The following OFD1 variants were observed in gnomAD, a reference collection of about 807,000 sequenced individuals.
OFD1 encodes the protein centriole and centriolar satellite protein OFD1.
Under a neutral mutation model 81.4 loss-of-function variants are expected in OFD1, and 12 were observed. The ratio of observed to expected loss-of-function variants is 0.15; its 90% CI spans 0.09 to 0.24. The LOEUF (loss-of-function observed/expected upper bound fraction) is 0.24. Among genes scored for constraint, OFD1 ranks in the 10% least tolerant of loss-of-function variants. OFD1 has a pLI of 1.00. For synonymous variants in OFD1, 256 were observed against 263.7 expected, an observed-to-expected ratio of 0.97 and a Z score of 0.28; for missense variants, 685 against 733.9, an observed-to-expected ratio of 0.93 and a Z score of 0.77.
At chrX:13,721,650 AT>A in the OFD1 span, 1 of 111,834 alleles carries the variant, frequency 8.9e-6, no homozygotes, top group African/African-American at 3.2e-5. Context: ...TGAATGACAC[AT>A]TTTATAAAGG....
intron 19 of OFD1, 36 bp downstream of exon 19, chrX:13,763,891 C>G (rs748243615): frequency 9.9e-7 from 1 of 1,008,225 alleles, no homozygotes; most frequent in Non-Finnish European, 1.4e-6. Context: ...TCAGCAGGGT[C>G]GCATACTAAA....
intron 10 of OFD1, chrX:13,752,608 G>A (rs2047546375): frequency 1.3e-6 from 1 of 774,411 alleles, no homozygotes; most frequent in Non-Finnish European, 1.7e-6. Context: ...GGAAGTGTCT[G>A]TAGTTGCTGA....
chrX:13,763,086 T>C (rs1335476460), intron 18 of OFD1, among the ~76,000 whole-genome samples: 1 of 112,829 alleles, frequency 8.9e-6, no homozygotes, highest in Non-Finnish European at 1.9e-5. Context: ...TGTTATTTTT[T>C]AAATATACTG....
intron 22 of OFD1, 136 bp downstream of exon 22, chrX:13,768,921 G>GT (rs2048236428): frequency 5.2e-6 from 4 of 768,504 alleles, no homozygotes; most frequent in Non-Finnish European, 4.0e-6. Flanking sequence ...AAACAATTGA[G>GT]TTTTTTGACT....
At chrX:13,739,344 ATAC>A (rs1455261832) in intron 5 of OFD1, 1 of 269,504 alleles carries the variant, frequency 3.7e-6, no homozygotes, top group Non-Finnish European at 6.4e-6. Flanking sequence ...GTGTCTTTGT[ATAC>A]TAGGTATCCC....
chrX:13,758,002 C>G (rs1284637306), intron 14 of OFD1, among the ~76,000 whole-genome samples: 2 of 111,873 alleles, frequency 1.8e-5, no homozygotes, highest in African/African-American at 6.5e-5. Flanking sequence ...GAGAAGAAAG[C>G]AAACTCACCT....
intron 5 of OFD1, chrX:13,739,973 C>A: frequency 1.1e-6 from 1 of 899,615 alleles, no homozygotes; most frequent in Non-Finnish European, 1.4e-6. Context: ...TGTTGGTACA[C>A]CCTTGGATTT....
the OFD1 span, among the ~76,000 whole-genome samples, chrX:13,718,954 C>T: frequency 3.6e-5 from 4 of 110,707 alleles, no homozygotes; most frequent in African/African-American, 1.3e-4. Flanking sequence ...GTCAGGAGTT[C>T]GAGACCAGCC....
chrX:13,724,996 T>G, the OFD1 span, among the ~76,000 whole-genome samples: 1 of 113,347 alleles, frequency 8.8e-6, no homozygotes, highest in Non-Finnish European at 1.9e-5. Flanking sequence ...CCTTGCTCAC[T>G]GCTAGCGCAG....
upstream of OFD1, among the ~76,000 whole-genome samples, chrX:13,732,615 G>T (rs765273960): frequency 8.0e-5 from 9 of 112,508 alleles, no homozygotes; most frequent in Non-Finnish European, 1.7e-4. Flanking sequence ...GCTGACTCTG[G>T]ACTACACAGA....
chrX:13,746,737 G>A lies in OFD1; in HGVS notation c.655-43G>A, dbSNP rs981685848. ...GAGAGAACTTGTTCCTGTTTTTATA[G>A]TATAATAGTTGGTATTTTTAATTTT... On this transcript the variant is annotated intron_variant, in intron 7 of 22. Transcript: ENST00000340096. The A allele has an allele frequency of 3.9e-6, 4 of 1,027,442 alleles. No homozygotes were observed. In the African/African-American group the frequency reaches 5.7e-5, roughly 15 times the overall value. 84.7% of individuals were successfully genotyped at this position (1,027,442 alleles called of 1,213,427 possible). A position where few individuals can be genotyped will look rare whatever the true frequency, so the allele number is the denominator to read the frequency against.
intron 5 of OFD1, among the ~76,000 whole-genome samples, chrX:13,741,794 C>A (rs768613062): frequency 9.0e-6 from 1 of 111,687 alleles, no homozygotes; most frequent in African/African-American, 3.3e-5. Flanking sequence ...GTGGAGAGAT[C>A]TTGGGACTCA....
intron 13 of OFD1, 113 bp from the exon 14 acceptor site, chrX:13,757,547 T>A: frequency 1.3e-6 from 1 of 761,666 alleles, no homozygotes; most frequent in East Asian, 3.5e-5. Flanking sequence ...ATTTATTGAG[T>A]CAGTACAAAG....
In OFD1 at chrX:13,758,204, T is replaced by C. The variant is rs188768434; in HGVS notation, c.1543-133T>C. 3.8e-5 allele frequency: 18 copies of C among 472,785 alleles called. No individual in the cohort carries two copies. The Admixed American group carries it at 6.4e-4, about 17-fold the overall frequency. 39.0% of individuals were successfully genotyped at this position (472,785 alleles called of 1,213,427 possible). ...GTGTTTTTTTTTAATAGGGACCCTGTTGTTTACTGTCATAAAGCTTCTTGG... is the reference window on the plus strand; with the variant it reads ...GTGTTTTTTTTTAATAGGGACCCTGCTGTTTACTGTCATAAAGCTTCTTGG... On this transcript the variant is annotated intron_variant, in intron 14 of 22. Coordinates refer to ENST00000340096, the MANE Select transcript of OFD1 (RefSeq NM_003611.3).
the OFD1 span, among the ~76,000 whole-genome samples, chrX:13,717,936 A>G: frequency 2.7e-5 from 3 of 111,821 alleles, no homozygotes; most frequent in Non-Finnish European, 5.6e-5. Flanking sequence ...GGACTGGTGT[A>G]TTTAGAAAAA....
chrX:13,763,681 G>A, intron 18 of OFD1, 64 bp from the exon 19 acceptor site: 1 of 917,775 alleles, frequency 1.1e-6, no homozygotes, highest in South Asian at 2.0e-5. Flanking sequence ...CCCCCACACT[G>A]CACTGCCCTT....
At chrX:13,738,766 A>G in intron 3 of OFD1, 80 bp from the exon 4 acceptor site, 1 of 637,145 alleles carries the variant, frequency 1.6e-6, no homozygotes, top group East Asian at 3.3e-5. Flanking sequence ...TCTTAATTTC[A>G]TATTCAGAAA....
At position 13,767,122 on chromosome X, in the gene OFD1, A is replaced by G. The variant is rs1555908520; in HGVS notation, c.2600-5A>G. On this transcript the variant is annotated splice_region_variant and splice_polypyrimidine_tract_variant and intron_variant, in intron 19 of 22. Transcript: ENST00000340096. Reference sequence around the variant, plus strand: ...GAAGCTACTCTTTATTTTCTGTCCTATTAGGTGTAGATCAGAAACAAATTG... The same window carrying G: ...GAAGCTACTCTTTATTTTCTGTCCTGTTAGGTGTAGATCAGAAACAAATTG... 6 of 1,205,386 alleles carry G rather than the reference A, an allele frequency of 5.0e-6. No homozygotes were observed. The highest frequency in any genetic ancestry group is 6.7e-6 in the Non-Finnish European group (6 of 890,279).
intron 5 of OFD1, chrX:13,740,080 T>G: frequency 1.1e-6 from 1 of 951,943 alleles, no homozygotes; most frequent in Non-Finnish European, 1.3e-6. Context: ...AATACTTATT[T>G]TCTGCCAGCC....
Sources: gnomAD v4.1 joint callset for allele counts (sites outside exome capture counted in the v4.1 genomes callset) on GRCh38, gnomAD v4.1.1 for gene constraint, MANE v1.5 for transcripts, NCBI Gene and HGNC (gene_info 2026-07-23, HGNC 2026-07-21) for gene names.